AGBL4: variants seen among roughly 807,000 people sequenced by gnomAD.
The protein encoded by AGBL4 is AGBL carboxypeptidase 4, also known as cytosolic carboxypeptidase 6.
A neutral mutation model predicts 66.4 loss-of-function variants in AGBL4; 58 were observed. That is an observed-to-expected ratio of 0.87 (90% CI 0.71 to 1.09). The LOEUF (loss-of-function observed/expected upper bound fraction) is 1.09, where lower values mean the gene tolerates loss of function less well. Ranked by LOEUF, AGBL4 falls within the 50% of genes least tolerant of loss-of-function variation. The probability of loss-of-function intolerance (pLI) is 0.00; values close to 1 mark genes in which losing one functional copy is unlikely to be tolerated. For missense variants in AGBL4, 579 were observed against 631.0 expected, an observed-to-expected ratio of 0.92 and a Z score of 0.88; for synonymous variants, 234 against 222.9, an observed-to-expected ratio of 1.05 and a Z score of -0.44.
intron 3 of AGBL4, among the ~76,000 whole-genome samples, chr1:49,388,637 T>A (rs1026600174): frequency 1.3e-5 from 2 of 152,118 alleles, no homozygotes; most frequent in African/African-American, 4.8e-5. Flanking sequence ...GAAATATGAC[T>A]CAGGATAAGC....
At chr1:49,990,372 G>A (rs1280091258) in intron 1 of AGBL4, among the ~76,000 whole-genome samples, 1 of 152,128 alleles carries the variant, frequency 6.6e-6, no homozygotes, top group Admixed American at 6.6e-5. Context: ...GAGTTCTCAT[G>A]AGATCTGATG....
intron 3 of AGBL4, among the ~76,000 whole-genome samples, chr1:49,589,750 G>C (rs1331844624): frequency 1.3e-5 from 2 of 152,096 alleles, no homozygotes; most frequent in Non-Finnish European, 2.9e-5. Context: ...TCCCAATTAA[G>C]AGTGAAATTC....
intron 2 of AGBL4, among the ~76,000 whole-genome samples, chr1:49,772,329 T>C (rs546288031): frequency 5.4e-4 from 82 of 152,284 alleles, no homozygotes; most frequent in African/African-American, 1.9e-3. Flanking sequence ...CCTTAAGCAC[T>C]AACTGTAGCT....
intron 6 of AGBL4, among the ~76,000 whole-genome samples, chr1:48,826,745 A>T (rs561175091): frequency 6.6e-6 from 1 of 152,308 alleles, no homozygotes; most frequent in East Asian, 1.9e-4. Flanking sequence ...ATGCCAGCAT[A>T]TTGCCTATTT....
At chr1:48,831,128 A>G (rs373528155) in intron 6 of AGBL4, among the ~76,000 whole-genome samples, 405 of 152,338 alleles carry the variant, frequency 2.7e-3, no homozygotes, top group Middle Eastern at 0.017. Context: ...CATTTGAGTC[A>G]TTCTTAATGA....
Position 49,738,882 on chromosome 1 carries a change from A to G in AGBL4, c.158-41445T>C, listed in dbSNP as rs368334166. 1.1e-4 allele frequency among the ~76,000 whole-genome samples: 16 copies of G among 152,314 alleles called. No homozygotes were observed. The East Asian group carries it at 3.1e-3, about 29-fold the overall frequency. On this transcript the variant is annotated intron_variant, in intron 2 of 13. Coordinates refer to ENST00000371839, the MANE Select transcript of AGBL4 (RefSeq NM_032785.4). ...AGGAAAACTAACAAACAGAAAGGAC[A>G]TCGATACCAAAACCTCATCTGTACG... is the stretch of plus-strand genomic sequence containing the variant.
intron 3 of AGBL4, among the ~76,000 whole-genome samples, chr1:49,400,573 T>C (rs1225432608): frequency 6.6e-6 from 1 of 152,194 alleles, no homozygotes; most frequent in East Asian, 1.9e-4. Flanking sequence ...TGTTTTATAG[T>C]ATTCTCTTCC....
chr1:49,351,593 A>T (rs764410629), intron 3 of AGBL4, among the ~76,000 whole-genome samples: 3 of 152,182 alleles, frequency 2.0e-5, no homozygotes, highest in Non-Finnish European at 4.4e-5. Flanking sequence ...GTAAGGTCCC[A>T]TTCCCTATCT....
chr1:48,647,904 G>A (rs542351247), intron 8 of AGBL4, among the ~76,000 whole-genome samples: 4 of 152,186 alleles, frequency 2.6e-5, no homozygotes, highest in Non-Finnish European at 5.9e-5. Flanking sequence ...CTTCCAACTA[G>A]GAGTTGCTTG....
chr1:49,267,515 T>C (rs1219403364), intron 3 of AGBL4, among the ~76,000 whole-genome samples: 1 of 151,888 alleles, frequency 6.6e-6, no homozygotes, highest in Non-Finnish European at 1.5e-5. Context: ...CCTGTCTCTA[T>C]TAAAAATACA....
At chr1:49,589,615 A>G (rs1242739314) in intron 3 of AGBL4, among the ~76,000 whole-genome samples, 1 of 152,188 alleles carries the variant, frequency 6.6e-6, no homozygotes, top group Non-Finnish European at 1.5e-5. Context: ...AATGGAAATT[A>G]TATAATATTT....
At chr1:48,569,218 GA>G (rs1644522408) in intron 11 of AGBL4, among the ~76,000 whole-genome samples, 1 of 152,222 alleles carries the variant, frequency 6.6e-6, no homozygotes, top group African/African-American at 2.4e-5. Context: ...GTTGCAGTTT[GA>G]GTTCATAGAA....
At position 49,326,584 on chromosome 1, in the gene AGBL4, G is replaced by A. The variant is rs1163599171; in HGVS notation, c.283-80720C>T. On this transcript the variant is annotated intron_variant, in intron 3 of 13. Coordinates refer to ENST00000371839, the MANE Select transcript of AGBL4 (RefSeq NM_032785.4). ...TATTTAGGATGCAATAAAATGGGGA[G>A]GAACCCATAACTGACACAAAGAAAG... is the stretch of plus-strand genomic sequence containing the variant. Among the ~76,000 whole-genome samples the A allele has an allele frequency of 3.3e-5, 5 of 152,138 alleles. No homozygotes were observed. In the East Asian group the frequency reaches 9.7e-4, roughly 29 times the overall value.
At chr1:48,572,411 A>G (rs1644580179) in intron 11 of AGBL4, among the ~76,000 whole-genome samples, 1 of 151,916 alleles carries the variant, frequency 6.6e-6, no homozygotes, top group Non-Finnish European at 1.5e-5. Context: ...GCTAAGGCGG[A>G]AGAAAAAGAG....
At chr1:49,179,819 C>T (rs1401005983) in intron 4 of AGBL4, among the ~76,000 whole-genome samples, 2 of 152,200 alleles carry the variant, frequency 1.3e-5, no homozygotes, top group East Asian at 3.8e-4. Flanking sequence ...TTCAGCCACA[C>T]TGCATGGGTT....
At chr1:49,825,872 C>T (rs1004779416) in intron 2 of AGBL4, among the ~76,000 whole-genome samples, 2 of 151,984 alleles carry the variant, frequency 1.3e-5, no homozygotes, top group African/African-American at 2.4e-5. Flanking sequence ...CACACACACA[C>T]ACCTTTTTGG....
At chr1:49,064,559 G>T (rs569525609) in intron 4 of AGBL4, among the ~76,000 whole-genome samples, 1 of 152,056 alleles carries the variant, frequency 6.6e-6, no homozygotes, top group Non-Finnish European at 1.5e-5. Context: ...CATGGATTCC[G>T]TGAGTCCTCA....
At chr1:48,837,868 A>C (rs1173734303) in intron 6 of AGBL4, among the ~76,000 whole-genome samples, 1 of 151,316 alleles carries the variant, frequency 6.6e-6, no homozygotes, top group African/African-American at 2.4e-5. Context: ...CATAGGAAGG[A>C]TTTTGGATTT....
intron 6 of AGBL4, among the ~76,000 whole-genome samples, chr1:48,663,958 T>C (rs1272827900): frequency 1.3e-5 from 2 of 152,192 alleles, no homozygotes; most frequent in Non-Finnish European, 2.9e-5. Flanking sequence ...ATTTCCCTTT[T>C]ATCTTAAACA....
Sources: allele counts gnomAD v4.1 joint callset (sites outside exome capture counted in the v4.1 genomes callset), GRCh38; gene constraint gnomAD v4.1.1; transcripts MANE v1.5; gene names NCBI Gene and HGNC (gene_info 2026-07-23, HGNC 2026-07-21).